Variants in ENPP3 observed in about 807,000 individuals in gnomAD.
ENPP3 encodes the protein ectonucleotide pyrophosphatase/phosphodiesterase family member 3.
ENPP3 carries 104 observed loss-of-function variants against 117.8 expected under a neutral mutation model. That is an observed-to-expected ratio of 0.88 (90% CI 0.75 to 1.04). The LOEUF (loss-of-function observed/expected upper bound fraction) is 1.04, where lower values mean the gene tolerates loss of function less well. ENPP3 is among the 50% of genes least tolerant of loss of function. ENPP3 has a pLI of 0.00. For missense variants in ENPP3, 1,026 were observed against 1,051.9 expected (o/e 0.98, Z 0.34); for synonymous variants, 380 against 349.9 (o/e 1.09, Z -0.96).
intron 1 of ENPP3, among the ~76,000 whole-genome samples, chr6:131,637,994 C>A (rs1301962882): frequency 1.9e-5 from 2 of 105,240 alleles, no homozygotes; most frequent in Admixed American, 2.2e-4. Context: ...AAATTTTTTT[C>A]TTTTTCTTTT....
In ENPP3 at chr6:131,719,119, T is replaced by C. The variant is rs114836727; in HGVS notation, c.1479+381T>C. ...GAGAGTAAGGGAGAAATTGGGAGTA[T>C]TTTGGGGTACCCTGGGGGGCAGTAA... On this transcript the variant is annotated intron_variant, in intron 16 of 24. Coordinates refer to ENST00000357639, the MANE Select transcript of ENPP3 (RefSeq NM_005021.5). 5.8e-3 allele frequency among the ~76,000 whole-genome samples: 884 copies of C among 152,018 alleles called. 7 individuals carry two copies. The highest frequency in any genetic ancestry group is 0.02 in the African/African-American group (846 of 41,490).
chr6:131,723,802 T>TTC (rs4053085), intron 18 of ENPP3, among the ~76,000 whole-genome samples: 7,746 of 136,494 alleles, frequency 0.057, 276 homozygotes, highest in African/African-American at 0.12. Flanking sequence ...TTTTTGCAAA[T>TTC]TCTCTCTCTC....
intron 15 of ENPP3, among the ~76,000 whole-genome samples, chr6:131,715,819 G>A (rs1779876997): frequency 6.6e-6 from 1 of 152,006 alleles, no homozygotes; most frequent in Admixed American, 6.5e-5. Context: ...TATTGTTGGG[G>A]GACCTGTAGA....
intron 15 of ENPP3, among the ~76,000 whole-genome samples, chr6:131,712,238 T>C (rs1050290463): frequency 1.4e-5 from 2 of 146,024 alleles, no homozygotes; most frequent in Admixed American, 6.8e-5. Flanking sequence ...ACTTGCTTTT[T>C]TGTATATTTG....
intron 15 of ENPP3, among the ~76,000 whole-genome samples, chr6:131,702,226 A>G (rs1300902439): frequency 2.0e-5 from 3 of 152,004 alleles, no homozygotes; most frequent in Non-Finnish European, 4.4e-5. Flanking sequence ...TTAAAACCAC[A>G]TTAAGTTTAA....
At chr6:131,718,546 T>C (rs1779945572) in intron 15 of ENPP3, 126 bp from the exon 16 acceptor site, 1 of 429,334 alleles carries the variant, frequency 2.3e-6, no homozygotes, top group Admixed American at 4.1e-5. Context: ...AAAAATATAT[T>C]ATTCTGTTGT....
intron 9 of ENPP3, among the ~76,000 whole-genome samples, chr6:131,675,831 G>A (rs557890131): frequency 1.3e-5 from 2 of 152,188 alleles, no homozygotes; most frequent in African/African-American, 4.8e-5. Flanking sequence ...GACAGAGCGC[G>A]ACTCCGTCTC....
chr6:131,669,675 A>AAAAG (rs1778698357), intron 6 of ENPP3, among the ~76,000 whole-genome samples: 2 of 146,882 alleles, frequency 1.4e-5, no homozygotes, highest in South Asian at 4.4e-4. Flanking sequence ...AAAAAAAAAA[A>AAAAG]AAAAGAAAGA....
chr6:131,649,089 T>C (rs1778208942), intron 2 of ENPP3, among the ~76,000 whole-genome samples: 1 of 152,222 alleles, frequency 6.6e-6, no homozygotes, highest in Non-Finnish European at 1.5e-5. Context: ...CTGAAACTAA[T>C]TGCACTTTAA....
intron 20 of ENPP3, among the ~76,000 whole-genome samples, chr6:131,728,922 A>G (rs1780215425): frequency 6.6e-6 from 1 of 152,206 alleles, no homozygotes; most frequent in South Asian, 2.1e-4. Context: ...TCCTGTTGCT[A>G]GGTGATAAAT....
chr6:131,718,569 T>A, intron 15 of ENPP3, 103 bp from the exon 16 acceptor site: 2 of 503,900 alleles, frequency 4.0e-6, no homozygotes, highest in South Asian at 5.0e-5. Context: ...ATAAAAAAAT[T>A]TACTTATAAA....
chr6:131,686,272 T>A (rs939987124), intron 14 of ENPP3, among the ~76,000 whole-genome samples: 13 of 152,160 alleles, frequency 8.5e-5, no homozygotes, highest in Admixed American at 3.3e-4. Flanking sequence ...AGATCTTTTT[T>A]TTACAAGTCA....
chr6:131,655,021 C>CT (rs1230187485), intron 5 of ENPP3, among the ~76,000 whole-genome samples: 1 of 152,116 alleles, frequency 6.6e-6, no homozygotes, highest in Non-Finnish European at 1.5e-5. Context: ...ATTAAATGAC[C>CT]TAAAGCGAGG....
At chr6:131,724,597 T>C (rs1780112119) in intron 19 of ENPP3, among the ~76,000 whole-genome samples, 1 of 152,226 alleles carries the variant, frequency 6.6e-6, no homozygotes, top group Admixed American at 6.5e-5. Context: ...TGTATTAAAC[T>C]CACTCTGTTT....
chr6:131,654,124 ATTAT>A (rs1178400325), intron 5 of ENPP3, among the ~76,000 whole-genome samples: 1 of 148,110 alleles, frequency 6.8e-6, no homozygotes, highest in Non-Finnish European at 1.5e-5. Flanking sequence ...TATTATTATT[ATTAT>A]TATTATTATT....
chr6:131,727,216 A>G (rs559723432), intron 20 of ENPP3, among the ~76,000 whole-genome samples: 14 of 152,336 alleles, frequency 9.2e-5, no homozygotes, highest in African/African-American at 3.1e-4. Context: ...GAGCCAAGCA[A>G]TTGAATCACA....
intron 6 of ENPP3, among the ~76,000 whole-genome samples, chr6:131,660,723 AAATTT>A (rs1451411807): frequency 6.6e-6 from 1 of 152,200 alleles, no homozygotes; most frequent in African/African-American, 2.4e-5. Context: ...TCTGCTTTTT[AAATTT>A]TGTTAAGAAT....
intron 15 of ENPP3, among the ~76,000 whole-genome samples, chr6:131,694,757 C>T (rs145864833): frequency 0.014 from 2,183 of 151,606 alleles, 29 homozygotes; most frequent in South Asian, 0.028. Context: ...TTGCTTGAAC[C>T]CGGGAGGCGG....
intron 8 of ENPP3, chr6:131,674,538 G>T: frequency 1.3e-5 from 6 of 452,798 alleles, no homozygotes; most frequent in Non-Finnish European, 2.4e-5. Context: ...AAGATTATCT[G>T]TTAATGTTTT....
Sources: gnomAD v4.1 joint callset for allele counts (sites outside exome capture counted in the v4.1 genomes callset) on GRCh38, gnomAD v4.1.1 for gene constraint, MANE v1.5 for transcripts, NCBI Gene and HGNC (gene_info 2026-07-23, HGNC 2026-07-21) for gene names.